Variants in ZNF503 observed in about 807,000 individuals in gnomAD.
ZNF503 encodes the protein zinc finger protein 503, also known as NocA-like zinc finger 2.
In ZNF503, 15 loss-of-function variants were observed where a neutral mutation model predicts 34.4. The ratio of observed to expected loss-of-function variants is 0.44; its 90% CI spans 0.29 to 0.67. The LOEUF (loss-of-function observed/expected upper bound fraction) is 0.67. Ranked by LOEUF, ZNF503 falls within the 30% of genes least tolerant of loss-of-function variation. The probability of loss-of-function intolerance (pLI) is 0.13; values close to 1 mark genes in which losing one functional copy is unlikely to be tolerated. For synonymous variants in ZNF503, 580 were observed against 456.8 expected, an observed-to-expected ratio of 1.27 and a Z score of -3.44; for missense variants, 1,007 against 926.8, an observed-to-expected ratio of 1.09 and a Z score of -1.12.
At chr10:75,350,363 A>G in the ZNF503 span, 1 of 152,226 alleles carries the variant, frequency 6.6e-6, no homozygotes, top group African/African-American at 2.4e-5. Context: ...TTCACCAGCA[A>G]CAGAGAAAGC....
the ZNF503 span, among the ~76,000 whole-genome samples, chr10:75,348,876 A>G: frequency 6.6e-6 from 1 of 152,222 alleles, no homozygotes; most frequent in African/African-American, 2.4e-5. Context: ...TTAAAATTGC[A>G]AATCTATAAA....
chr10:75,303,340 C>A, the ZNF503 span, among the ~76,000 whole-genome samples: 2 of 152,174 alleles, frequency 1.3e-5, no homozygotes, highest in Admixed American at 1.3e-4. Context: ...GTGGTTTCTG[C>A]CCCAGTCTAA....
the ZNF503 span, among the ~76,000 whole-genome samples, chr10:75,329,991 T>C: frequency 6.6e-6 from 1 of 152,340 alleles, no homozygotes; most frequent in East Asian, 1.9e-4. Context: ...GGCTGTGGGT[T>C]TGTCATTTAT....
the ZNF503 span, among the ~76,000 whole-genome samples, chr10:75,369,224 C>G: frequency 6.6e-6 from 1 of 152,096 alleles, no homozygotes; most frequent in Non-Finnish European, 1.5e-5. Context: ...TAACTTTGAG[C>G]GAGAATTTCA....
chr10:75,374,051 C>T, the ZNF503 span, among the ~76,000 whole-genome samples: 1 of 152,208 alleles, frequency 6.6e-6, no homozygotes, highest in Admixed American at 6.5e-5. Flanking sequence ...CGGTGGCTCA[C>T]GTCTGTGACC....
At chr10:75,282,178 T>A in the ZNF503 span, among the ~76,000 whole-genome samples, 8 of 152,290 alleles carry the variant, frequency 5.3e-5, no homozygotes, top group East Asian at 1.4e-3. Flanking sequence ...TCTAAACAAG[T>A]CATGACAACT....
chr10:75,366,908 C>T, the ZNF503 span, among the ~76,000 whole-genome samples: 69 of 151,662 alleles, frequency 4.5e-4, no homozygotes, highest in African/African-American at 1.6e-3. Context: ...ACCCGCACTA[C>T]TAGCTTGCTT....
Position 75,401,441 on chromosome 10 carries a change from G to T in ZNF503, c.-22C>A. On this transcript the variant is annotated 5_prime_UTR_variant, in exon 1 of 2. Transcript: ENST00000372524. ...TCATGACCCACCCGCGCGCATGGGAGCAGCGGGGGGGAGGGCTCCGGGAGG... is the reference window on the plus strand; with the variant it reads ...TCATGACCCACCCGCGCGCATGGGATCAGCGGGGGGGAGGGCTCCGGGAGG... 3.3e-6 allele frequency: 5 copies of T among 1,526,884 alleles called. No individual in the cohort carries two copies. The highest frequency in any genetic ancestry group is 4.4e-6 in the Non-Finnish European group (5 of 1,142,816). 94.6% of individuals were successfully genotyped at this position (1,526,884 alleles called of 1,614,324 possible).
chr10:75,380,636 G>A, the ZNF503 span, among the ~76,000 whole-genome samples: 1 of 152,182 alleles, frequency 6.6e-6, no homozygotes, highest in Non-Finnish European at 1.5e-5. Context: ...TTTGCACTGA[G>A]CAAAATCAAA....
At chr10:75,370,778 C>CAAAAAAAAAAAAA in the ZNF503 span, among the ~76,000 whole-genome samples, 11 of 67,968 alleles carry the variant, frequency 1.6e-4, no homozygotes, top group African/African-American at 3.5e-4. Flanking sequence ...GGCTCCATCT[C>CAAAAAAAAAAAAA]AAAAAAAAAA....
At chr10:75,400,920 G>T in intron 1 of ZNF503, 185 bp downstream of exon 1, 1 of 849,316 alleles carries the variant, frequency 1.2e-6, no homozygotes, top group Non-Finnish European at 1.8e-6. Context: ...TAGCATGCAC[G>T]CCCCATTCCA....
At chr10:75,293,841 G>A in the ZNF503 span, among the ~76,000 whole-genome samples, 1 of 152,208 alleles carries the variant, frequency 6.6e-6, no homozygotes, top group Non-Finnish European at 1.5e-5. Flanking sequence ...ATCCTAAGGT[G>A]GAGACTTCTG....
the ZNF503 span, among the ~76,000 whole-genome samples, chr10:75,317,812 A>G: frequency 6.6e-6 from 1 of 152,122 alleles, no homozygotes; most frequent in South Asian, 2.1e-4. Context: ...CCTGGCCAAC[A>G]TGGTGAAACC....
At chr10:75,375,997 G>A in the ZNF503 span, among the ~76,000 whole-genome samples, 4 of 152,158 alleles carry the variant, frequency 2.6e-5, no homozygotes, top group Admixed American at 6.5e-5. Context: ...GGTACTGCAC[G>A]TCACAAGGCA....
chr10:75,321,920 A>G, the ZNF503 span, among the ~76,000 whole-genome samples: 3 of 152,232 alleles, frequency 2.0e-5, no homozygotes, highest in Admixed American at 1.3e-4. Context: ...AGAAATTTGT[A>G]TAACTAATAA....
chr10:75,334,478 C>A, the ZNF503 span, among the ~76,000 whole-genome samples: 1 of 152,032 alleles, frequency 6.6e-6, no homozygotes, highest in Non-Finnish European at 1.5e-5. Flanking sequence ...TTATTAAATG[C>A]TGGACATTGT....
At chr10:75,312,420 TCTGAACAACACAAATAAAATAGA>T in the ZNF503 span, among the ~76,000 whole-genome samples, 3 of 152,086 alleles carry the variant, frequency 2.0e-5, no homozygotes, top group South Asian at 6.2e-4. Flanking sequence ...GATTACCCAA[TCTGAACAACACAAATAAAATAGA>T]CTAAAAAATC....
the ZNF503 span, among the ~76,000 whole-genome samples, chr10:75,359,639 G>A: frequency 6.6e-6 from 1 of 152,226 alleles, no homozygotes; most frequent in Non-Finnish European, 1.5e-5. Flanking sequence ...AAATGTGGTT[G>A]AATGTCTGGG....
chr10:75,393,889 A>G (rs1468426739), downstream of ZNF503, among the ~76,000 whole-genome samples: 1 of 152,190 alleles, frequency 6.6e-6, no homozygotes, highest in African/African-American at 2.4e-5. Context: ...AAAAGAAAAA[A>G]GAAAAAAGAA....
Sources: gnomAD v4.1 joint callset for allele counts (sites outside exome capture counted in the v4.1 genomes callset) on GRCh38, gnomAD v4.1.1 for gene constraint, MANE v1.5 for transcripts, NCBI Gene and HGNC (gene_info 2026-07-23, HGNC 2026-07-21) for gene names.